The following CFAP47 variants were observed in gnomAD, a reference collection of about 807,000 sequenced individuals.
CFAP47 encodes cilia and flagella associated protein 47, also known as cilia- and flagella-associated protein 47.
In CFAP47, 29 loss-of-function variants were observed where a neutral mutation model predicts 148.1. That is an observed-to-expected ratio of 0.20 (90% CI 0.15 to 0.27). The LOEUF (loss-of-function observed/expected upper bound fraction) is 0.27, where lower values mean the gene tolerates loss of function less well. Ranked by LOEUF, CFAP47 falls within the 10% of genes least tolerant of loss-of-function variation. The pLI is 1.00. For synonymous variants in CFAP47, 664 were observed against 577.3 expected (o/e 1.15, Z -2.15); for missense variants, 1,872 against 1,697.5 (o/e 1.10, Z -1.81).
At chrX:36,096,936 A>C (rs1353673081) in intron 30 of CFAP47, among the ~76,000 whole-genome samples, 5 of 110,461 alleles carry the variant, frequency 4.5e-5, no homozygotes, top group Admixed American at 3.9e-4. Flanking sequence ...CTGTTTAATG[A>C]GATGATTTTC....
chrX:36,260,045 C>T (rs2146929317), intron 49 of CFAP47, among the ~76,000 whole-genome samples: 1 of 109,165 alleles, frequency 9.2e-6, no homozygotes, highest in East Asian at 2.9e-4. Context: ...GACACAATTT[C>T]ATTCATTTTT....
intron 39 of CFAP47, among the ~76,000 whole-genome samples, chrX:36,161,137 C>T (rs755790517): frequency 1.1e-3 from 122 of 111,261 alleles, no homozygotes; most frequent in Non-Finnish European, 1.8e-3. Context: ...TGAACCACCG[C>T]GCCTGGCCGT....
rs1602101616 is a variant in CFAP47 at position 36,306,808 on chromosome X, G to A, written c.8119G>A (p.Val2707Ile). 3.4e-6 allele frequency: 4 copies of A among 1,160,327 alleles called. No individual in the cohort carries two copies. Among genetic ancestry groups the A allele is most frequent in the South Asian group, 3.8e-5 (2 of 52,172 alleles). Residue 2707 changes from valine to isoleucine, a missense_variant, in exon 55 of 64, where the codon GTT becomes ATT. By Grantham distance (29) the Val-to-Ile change is conservative. Coordinates refer to ENST00000378653, the MANE Select transcript of CFAP47 (RefSeq NM_001304548.2). ...TCCTCACTCCACCACAGAATTACCT[G>A]TTCTCTTTTATCCTTCTGCACTTGG... is the stretch of plus-strand genomic sequence containing the variant. ...ISPHSTTELP[V>I]LFYPSALGRA... is the part of the protein sequence containing the mutation.
chrX:35,919,873 C>T lies in CFAP47; in HGVS notation c.74C>T (p.Ser25Phe), dbSNP rs778770691. 3 of 1,210,251 alleles carry T rather than the reference C, an allele frequency of 2.5e-6. No individual in the cohort carries two copies. Among genetic ancestry groups the T allele is most frequent in the Non-Finnish European group, 3.4e-6 (3 of 894,876 alleles). ...CTCGCCATGAGCATCCAAAGGGGTTCCCTCGTCCCCCGGGATATGGATAGC... is the reference window on the plus strand; with the variant it reads ...CTCGCCATGAGCATCCAAAGGGGTTTCCTCGTCCCCCGGGATATGGATAGC... The part of the protein sequence containing the change: ...GSLAMSIQRG[S>F]LVPRDMDSSG... The change falls in exon 1 of 64, where the codon TCC (serine) becomes TTC (phenylalanine). Residue 25 changes from serine (S) to phenylalanine (F), a missense_variant. Physicochemically the swap from Ser to Phe is radical, Grantham distance 155. Transcript: ENST00000378653.
chrX:36,219,552 TGAG>T (rs1643436554), intron 45 of CFAP47, among the ~76,000 whole-genome samples: 1 of 111,398 alleles, frequency 9.0e-6, no homozygotes, highest in African/African-American at 3.3e-5. Context: ...AACTAAATCT[TGAG>T]GTCCCAAAAT....
At chrX:36,168,999 TTC>T (rs1207627033) in intron 39 of CFAP47, among the ~76,000 whole-genome samples, 1 of 111,960 alleles carries the variant, frequency 8.9e-6, no homozygotes, top group Non-Finnish European at 1.9e-5. Context: ...TTTTGTTTTC[TTC>T]TCTTTTTTTA....
intron 21 of CFAP47, among the ~76,000 whole-genome samples, chrX:36,002,321 A>G (rs1936924952): frequency 9.0e-6 from 1 of 111,089 alleles, no homozygotes; most frequent in Non-Finnish European, 1.9e-5. Flanking sequence ...GAAAGTGCAT[A>G]TAGCCCTATA....
At chrX:36,271,651 C>G (rs191430027) in intron 49 of CFAP47, among the ~76,000 whole-genome samples, 20 of 112,009 alleles carry the variant, frequency 1.8e-4, no homozygotes, top group African/African-American at 6.2e-4. Flanking sequence ...AAAATAAACT[C>G]ATGCTAACTT....
rs1430363590 is a variant in CFAP47, at chrX:36,325,166, A to T, written c.8443+5859A>T. ...ATCACCTATATAATAATTTAAAGGCATTCTAATGGAAAACGGTGTCATTTA... is the reference window on the plus strand; with the variant it reads ...ATCACCTATATAATAATTTAAAGGCTTTCTAATGGAAAACGGTGTCATTTA... On this transcript the variant is annotated intron_variant, in intron 57 of 63. Transcript: ENST00000378653. 6.2e-5 allele frequency among the ~76,000 whole-genome samples: 7 copies of T among 112,066 alleles called. No homozygotes were observed. The East Asian group carries it at 2.0e-3, about 31-fold the overall frequency.
At chrX:36,257,982 A>C (rs1940773840) in intron 49 of CFAP47, among the ~76,000 whole-genome samples, 1 of 112,310 alleles carries the variant, frequency 8.9e-6, no homozygotes, top group Non-Finnish European at 1.9e-5. Flanking sequence ...TGGTAGCTGC[A>C]GCAAGTAAGT....
Position 36,236,729 on chromosome X carries a change from T to G in CFAP47, c.7202T>G (p.Ile2401Ser), listed in dbSNP as rs1347314855. 2 of 523,887 alleles carry G rather than the reference T, an allele frequency of 3.8e-6. No homozygotes were observed. The highest frequency in any genetic ancestry group is 2.7e-5 in the Admixed American group (1 of 37,477). The allele number at this position is 523,887 out of a possible 1,213,427, so 43.2% of individuals were successfully genotyped here. ...AATGAAGTAGATGGTAGGGAGCACA[T>G]CTTTGACATAAAAGGGGTTGGGAAA... ...LQNEVDGREH[I>S]FDIKGVGKKP... The change falls in exon 48 of 64, where the codon ATC (isoleucine) becomes AGC (serine). Residue 2401 changes from isoleucine to serine, a missense_variant. Ile to Ser is a moderately radical substitution (Grantham distance 142, BLOSUM62 -2). Transcript: ENST00000378653.
At chrX:36,109,161 T>A (rs1455350197) in intron 33 of CFAP47, among the ~76,000 whole-genome samples, 1 of 112,261 alleles carries the variant, frequency 8.9e-6, no homozygotes, top group Admixed American at 9.4e-5. Context: ...TTCCATGGTG[T>A]GTATGTGCCA....
intron 49 of CFAP47, among the ~76,000 whole-genome samples, chrX:36,254,545 A>C (rs1940728745): frequency 9.0e-6 from 1 of 111,164 alleles, no homozygotes; most frequent in Non-Finnish European, 1.9e-5. Context: ...CTGGGAGATC[A>C]TTTAGGGGTC....
intron 37 of CFAP47, among the ~76,000 whole-genome samples, chrX:36,150,115 A>C (rs1443656235): frequency 9.0e-6 from 1 of 111,122 alleles, no homozygotes; most frequent in African/African-American, 3.3e-5. Context: ...GATAGATGAT[A>C]TATATACATG....
intron 21 of CFAP47, among the ~76,000 whole-genome samples, chrX:36,003,967 C>CTTTTTTT (rs761024902): frequency 6.8e-4 from 45 of 66,330 alleles, no homozygotes; most frequent in African/African-American, 2.0e-3. Context: ...CTTTCTTTTT[C>CTTTTTTT]TTTTTTTTTT....
chrX:36,297,693 G>A (rs979826674), intron 51 of CFAP47, among the ~76,000 whole-genome samples: 1 of 111,489 alleles, frequency 9.0e-6, no homozygotes, highest in African/African-American at 3.3e-5. Context: ...GGAAGGACAG[G>A]ACGAACAAGA....
intron 16 of CFAP47, among the ~76,000 whole-genome samples, chrX:35,990,879 G>GA (rs1233022254): frequency 9.0e-6 from 1 of 110,957 alleles, no homozygotes; most frequent in African/African-American, 3.3e-5. Flanking sequence ...CTATGAAGCT[G>GA]AAAAAAATTG....
intron 56 of CFAP47, among the ~76,000 whole-genome samples, chrX:36,312,374 A>G (rs1602103957): frequency 9.0e-6 from 1 of 111,115 alleles, no homozygotes; most frequent in East Asian, 2.8e-4. Flanking sequence ...GTTTGAAATA[A>G]CTGTTGGAGA....
chrX:36,010,213 A>G (rs1322058794), intron 21 of CFAP47, among the ~76,000 whole-genome samples: 1 of 111,583 alleles, frequency 9.0e-6, no homozygotes, highest in Non-Finnish European at 1.9e-5. Flanking sequence ...CAGTGATATT[A>G]CTTCCGTAGC....
Sources: allele counts gnomAD v4.1 joint callset (sites outside exome capture counted in the v4.1 genomes callset), GRCh38; gene constraint gnomAD v4.1.1; transcripts MANE v1.5; gene names NCBI Gene and HGNC (gene_info 2026-07-23, HGNC 2026-07-21).